MAPRE3: variants seen among roughly 807,000 people sequenced by gnomAD.
The protein encoded by MAPRE3 is microtubule-associated protein RP/EB family member 3.
MAPRE3 carries 2 observed loss-of-function variants against 30.5 expected under a neutral mutation model. The ratio of observed to expected loss-of-function variants is 0.07; its 90% CI spans 0.03 to 0.21. The LOEUF (loss-of-function observed/expected upper bound fraction) is 0.21, where lower values mean the gene tolerates loss of function less well. MAPRE3 is among the 10% of genes least tolerant of loss of function. The pLI is 1.00. For synonymous variants in MAPRE3, 110 were observed against 127.7 expected (o/e 0.86, Z 0.93); for missense variants, 204 against 351.8 (o/e 0.58, Z 3.36).
intron 1 of MAPRE3, among the ~76,000 whole-genome samples, chr2:26,977,968 G>A (rs1466239985): frequency 3.3e-5 from 5 of 152,222 alleles, no homozygotes; most frequent in Non-Finnish European, 7.3e-5. Context: ...AGCTCGAACT[G>A]TGCTGTGATA....
intron 1 of MAPRE3, among the ~76,000 whole-genome samples, chr2:26,981,380 C>T (rs144770057): frequency 3.9e-5 from 6 of 151,914 alleles, no homozygotes; most frequent in East Asian, 1.9e-4. Context: ...TGAAGACAGG[C>T]GCTGGTTGTC....
At chr2:27,004,714 T>C (rs1163811268) in intron 1 of MAPRE3, among the ~76,000 whole-genome samples, 1 of 143,760 alleles carries the variant, frequency 7.0e-6, no homozygotes, top group Non-Finnish European at 1.5e-5. Context: ...ATTACTAGAA[T>C]ATCAAGGATC....
chr2:26,981,847 C>T (rs1247011916), intron 1 of MAPRE3, among the ~76,000 whole-genome samples: 1 of 152,166 alleles, frequency 6.6e-6, no homozygotes, highest in Non-Finnish European at 1.5e-5. Flanking sequence ...GCCCATCTTC[C>T]CAGGCTTGAC....
At chr2:26,994,520 T>C (rs1666412380) in intron 1 of MAPRE3, among the ~76,000 whole-genome samples, 1 of 152,218 alleles carries the variant, frequency 6.6e-6, no homozygotes, top group South Asian at 2.1e-4. Context: ...ACTAACATAG[T>C]TTTCCTTTCT....
chr2:27,024,334 C>G (rs765936762), intron 4 of MAPRE3, 37 bp downstream of exon 4: 1 of 1,590,644 alleles, frequency 6.3e-7, no homozygotes, highest in Non-Finnish European at 8.6e-7. Flanking sequence ...GCGTGGGGGG[C>G]CGGGCCGGCA....
At chr2:26,983,016 A>T (rs1397983213) in intron 1 of MAPRE3, among the ~76,000 whole-genome samples, 1 of 152,186 alleles carries the variant, frequency 6.6e-6, no homozygotes, top group East Asian at 1.9e-4. Flanking sequence ...AAAATTAGGA[A>T]GGCCCAACCC....
At chr2:26,982,194 A>C (rs1174662765) in intron 1 of MAPRE3, among the ~76,000 whole-genome samples, 1 of 152,122 alleles carries the variant, frequency 6.6e-6, no homozygotes, top group African/African-American at 2.4e-5. Context: ...TAGATCATTC[A>C]CTTTGACTCT....
intron 1 of MAPRE3, among the ~76,000 whole-genome samples, chr2:27,006,117 G>A (rs1016823333): frequency 9.2e-5 from 14 of 152,162 alleles, no homozygotes; most frequent in African/African-American, 3.4e-4. Context: ...GGGAGGCGTA[G>A]CTGGCACTGA....
chr2:27,006,493 T>C (rs1490939070), intron 1 of MAPRE3, among the ~76,000 whole-genome samples: 3 of 152,238 alleles, frequency 2.0e-5, no homozygotes, highest in Admixed American at 6.5e-5. Flanking sequence ...TGCCGTGGCA[T>C]GATCACAGCT....
At position 27,015,690 on chromosome 2, in the gene MAPRE3, C is replaced by CA. The variant is rs1666967502; in HGVS notation, c.-7-6517dup. Among the ~76,000 whole-genome samples, 1 of 152,086 alleles carries CA rather than the reference C, an allele frequency of 6.6e-6. No individual in the cohort carries two copies. Among genetic ancestry groups the CA allele is most frequent in the South Asian group, 2.1e-4 (1 of 4,828 alleles). On this transcript the variant is annotated intron_variant, in intron 1 of 6. Coordinates refer to ENST00000233121, the MANE Select transcript of MAPRE3 (RefSeq NM_012326.4). This position sits in a 1 kb window ranked among gnomAD's most constrained non-coding sequence, Gnocchi z 4.0. Reference sequence around the variant, plus strand: ...TATTTGTGGAAGACAGATTTAAAAACAAAAAGCCAAAATTAGATTTAGGCT... The same window carrying CA: ...TATTTGTGGAAGACAGATTTAAAAACAAAAAAGCCAAAATTAGATTTAGGCT...
chr2:26,996,133 T>TTTATC (rs1395856602), intron 1 of MAPRE3, among the ~76,000 whole-genome samples: 1 of 148,814 alleles, frequency 6.7e-6, no homozygotes, highest in Admixed American at 6.8e-5. Context: ...TTTATTTTAT[T>TTTATC]TTATTTTATT....
chr2:27,003,669 C>T (rs981360658), intron 1 of MAPRE3, among the ~76,000 whole-genome samples: 4 of 152,220 alleles, frequency 2.6e-5, no homozygotes, highest in African/African-American at 7.2e-5. Context: ...ACTTCCAGCT[C>T]ACGGCTTCTA....
intron 1 of MAPRE3, among the ~76,000 whole-genome samples, chr2:27,007,011 G>C (rs756320795): frequency 6.6e-6 from 1 of 152,188 alleles, no homozygotes; most frequent in Non-Finnish European, 1.5e-5. Flanking sequence ...CTCCAGTAAA[G>C]AAGAATTTAT....
intron 3 of MAPRE3, chr2:27,023,767 C>T (rs1264442446): frequency 2.0e-6 from 1 of 509,638 alleles, no homozygotes; most frequent in Non-Finnish European, 3.6e-6. Flanking sequence ...CTCTCTCTGT[C>T]TCTGTAGGGC....
intron 1 of MAPRE3, among the ~76,000 whole-genome samples, chr2:26,998,159 A>C (rs1055788590): frequency 3.9e-5 from 6 of 152,362 alleles, no homozygotes; most frequent in Non-Finnish European, 5.9e-5. Context: ...CGCTGTGGTC[A>C]CAGAAAATAA....
intron 6 of MAPRE3, 120 bp from the exon 7 acceptor site, chr2:27,026,160 G>T (rs1483966993): frequency 1.4e-6 from 2 of 1,403,716 alleles, no homozygotes; most frequent in Admixed American, 1.9e-5. Context: ...ACTAGCCCAG[G>T]GTCACCCATT....
chr2:27,005,586 C>T (rs564045683), intron 1 of MAPRE3, among the ~76,000 whole-genome samples: 45 of 152,250 alleles, frequency 3.0e-4, no homozygotes, highest in Admixed American at 2.7e-3. Context: ...ACTGAACTCC[C>T]TTGAGTGGTT....
intron 2 of MAPRE3, 140 bp downstream of exon 2, chr2:27,022,479 G>A (rs545842967): frequency 6.0e-5 from 67 of 1,125,726 alleles, no homozygotes; most frequent in African/African-American, 5.3e-4. Flanking sequence ...ATCCTTAGGC[G>A]ATGTTGTTGT....
intron 1 of MAPRE3, among the ~76,000 whole-genome samples, chr2:26,976,322 T>C (rs1666013357): frequency 6.6e-6 from 1 of 152,246 alleles, no homozygotes; most frequent in Admixed American, 6.5e-5. Flanking sequence ...GTCATGTTTA[T>C]TATAGAAAGA....
Sources: gnomAD v4.1 joint callset for allele counts (sites outside exome capture counted in the v4.1 genomes callset) on GRCh38, gnomAD v4.1.1 for gene constraint, Gnocchi (gnomAD v3.1) non-coding constraint, MANE v1.5 for transcripts, NCBI Gene and HGNC (gene_info 2026-07-23, HGNC 2026-07-21) for gene names.